The following ING5 variants were observed in gnomAD, a reference collection of about 807,000 sequenced individuals.
ING5 encodes inhibitor of growth family member 5.
ING5 carries 17 observed loss-of-function variants against 37.4 expected under a neutral mutation model. The ratio of observed to expected loss-of-function variants is 0.45; its 90% CI spans 0.31 to 0.68. The LOEUF is 0.68. Among genes scored for constraint, ING5 ranks in the 30% least tolerant of loss-of-function variants. The pLI is 0.05. For missense variants in ING5, 233 were observed against 311.9 expected (o/e 0.75, Z 1.91); for synonymous variants, 123 against 116.6 (o/e 1.06, Z -0.36).
chr2:241,717,797 A>T (rs527921199), intron 5 of ING5, among the ~76,000 whole-genome samples: 3 of 151,148 alleles, frequency 2.0e-5, no homozygotes, highest in African/African-American at 7.3e-5. Context: ...TTTTGCGTGG[A>T]ACTTGTTGAG....
chr2:241,723,111 G>C, intron 6 of ING5, 37 bp downstream of exon 6: 1 of 1,614,148 alleles, frequency 6.2e-7, no homozygotes, highest in Non-Finnish European at 8.5e-7. Context: ...CATGGGGCGG[G>C]GTCTTGTGTG....
intron 1 of ING5, among the ~76,000 whole-genome samples, chr2:241,703,454 G>T (rs1575121283): frequency 6.6e-6 from 1 of 152,210 alleles, no homozygotes; most frequent in African/African-American, 2.4e-5. Context: ...CAGCACGGGG[G>T]TCCTCCTGGC....
chr2:241,689,644 C>T (rs182073250), intron 1 of ING5, among the ~76,000 whole-genome samples: 146 of 152,304 alleles, frequency 9.6e-4, no homozygotes, highest in Non-Finnish European at 1.8e-3. Context: ...ATGGGCAGCA[C>T]CAGCAAGAAG....
At position 241,723,722 on chromosome 2, in the gene ING5, G is replaced by A. The variant is rs1691491146; in HGVS notation, c.680+451G>A. 3.4e-5 allele frequency: 54 copies of A among 1,586,006 alleles called. No homozygotes were observed. The East Asian group carries it at 1.2e-3, about 35-fold the overall frequency. On this transcript the variant is annotated intron_variant, in intron 7 of 7. Transcript: ENST00000313552. ...CCCCTGGCTCTGTCTAGTGGAGAAG[G>A]GTGTGTTTTCTCTACCTGACCCTTG...
intron 3 of ING5, 110 bp downstream of exon 3, chr2:241,709,492 C>A: frequency 1.0e-6 from 1 of 972,792 alleles, no homozygotes; most frequent in Non-Finnish European, 1.5e-6. Flanking sequence ...GGAAGGCTGG[C>A]TTTGGTAGCT....
exon 2 of ING5, chr2:241,690,028 G>A (rs896627970): frequency 6.6e-6 from 1 of 152,140 alleles, no homozygotes; most frequent in Non-Finnish European, 1.5e-5. Flanking sequence ...TCTCTCATCA[G>A]GTCCAGGAGG....
Position 241,725,331 on chromosome 2 carries a change from G to A in ING5, c.*300G>A, listed in dbSNP as rs547433716. Reference sequence around the variant, plus strand: ...GTGAGCTCGGGCTGCCCGGCCGGGCGTGCGGGCGGGGACATGGTAACCTGG... The same window carrying A: ...GTGAGCTCGGGCTGCCCGGCCGGGCATGCGGGCGGGGACATGGTAACCTGG... On this transcript the variant is annotated 3_prime_UTR_variant, in exon 8 of 8. Coordinates refer to ENST00000313552, the MANE Select transcript of ING5 (RefSeq NM_032329.6). The A allele has an allele frequency of 4.8e-6, 2 of 415,800 alleles. No homozygotes were observed. Among genetic ancestry groups the A allele is most frequent in the East Asian group, 1.0e-4 (2 of 19,424 alleles). 25.8% of individuals were successfully genotyped at this position (415,800 alleles called of 1,614,324 possible).
chr2:241,719,501 T>TCTTCCTGCTC (rs1245208075), intron 5 of ING5: 1 of 1,510,298 alleles, frequency 6.6e-7, no homozygotes, highest in Non-Finnish European at 8.9e-7. Context: ...GCGTTCTGAG[T>TCTTCCTGCTC]CTTCCTGCTC....
intron 5 of ING5, among the ~76,000 whole-genome samples, chr2:241,718,566 C>T (rs2070344391): frequency 6.6e-6 from 1 of 151,852 alleles, no homozygotes; most frequent in Admixed American, 6.6e-5. Context: ...CAGGCACGTG[C>T]CACCATGACT....
intron 5 of ING5, among the ~76,000 whole-genome samples, chr2:241,719,126 C>T (rs895084013): frequency 1.3e-5 from 2 of 152,226 alleles, no homozygotes; most frequent in African/African-American, 4.8e-5. Context: ...CCTGCCCCAG[C>T]GGCTTCCACA....
At chr2:241,710,651 A>G (rs888338408) in intron 3 of ING5, among the ~76,000 whole-genome samples, 1 of 152,030 alleles carries the variant, frequency 6.6e-6, no homozygotes, top group Admixed American at 6.6e-5. Context: ...AGCCCGGCTA[A>G]TTTTGTATTT....
chr2:241,717,538 TTC>T (rs1178436650), intron 5 of ING5, among the ~76,000 whole-genome samples: 13 of 152,148 alleles, frequency 8.5e-5, no homozygotes, highest in African/African-American at 1.7e-4. Flanking sequence ...TGGTGATGAA[TTC>T]TCTGTTTTTG....
chr2:241,701,244 G>A (rs72484056), upstream of ING5, among the ~76,000 whole-genome samples: 19,851 of 152,092 alleles, frequency 0.13, 1,695 homozygotes, highest in East Asian at 0.42. Flanking sequence ...GATTACAGGC[G>A]TGCGCCAGCG....
chr2:241,725,291 C>T lies in ING5; in HGVS notation c.*260C>T, dbSNP rs1171388227. ...GAGCATCAGCAGGGACCCCGGCGGA[C>T]GTGGGCGGGCGCGCGTGAGCTCGGG... On this transcript the variant is annotated 3_prime_UTR_variant, in exon 8 of 8. Transcript: ENST00000313552. 4.0e-6 allele frequency: 2 copies of T among 498,024 alleles called. No homozygotes were observed. The highest frequency in any genetic ancestry group is 7.3e-6 in the Non-Finnish European group (2 of 273,220). 30.9% of individuals were successfully genotyped at this position (498,024 alleles called of 1,614,324 possible).
intron 3 of ING5, among the ~76,000 whole-genome samples, chr2:241,711,143 C>T (rs1198124264): frequency 6.6e-6 from 1 of 152,214 alleles, no homozygotes; most frequent in Non-Finnish European, 1.5e-5. Context: ...ATTGCCCACA[C>T]TCATGTCTTT....
At chr2:241,697,272 A>G (rs187418941), upstream of ING5, among the ~76,000 whole-genome samples, 398 of 151,846 alleles carry the variant, frequency 2.6e-3, 1 homozygote, top group African/African-American at 9.0e-3. Flanking sequence ...CATGTGTACT[A>G]AAAATACAAA....
intron 2 of ING5, among the ~76,000 whole-genome samples, chr2:241,708,565 T>A (rs2069998135): frequency 1.3e-5 from 2 of 152,222 alleles, no homozygotes; most frequent in African/African-American, 4.8e-5. Context: ...CTGCTCTTCA[T>A]ATTAATGGAA....
chr2:241,723,888 T>C, intron 7 of ING5: 1 of 1,400,494 alleles, frequency 7.1e-7, no homozygotes. Flanking sequence ...TGCGTGCCTG[T>C]GGTCCCAACT....
chr2:241,714,598 CTT>C (rs745387056), intron 5 of ING5, among the ~76,000 whole-genome samples: 1 of 144,282 alleles, frequency 6.9e-6, no homozygotes. Context: ...TGTCTTGATC[CTT>C]TTTTTTTTTT....
Sources: gnomAD v4.1 joint callset for allele counts (sites outside exome capture counted in the v4.1 genomes callset) on GRCh38, gnomAD v4.1.1 for gene constraint, MANE v1.5 for transcripts, NCBI Gene and HGNC (gene_info 2026-07-23, HGNC 2026-07-21) for gene names.